The following TNFAIP1 variants were observed in gnomAD, a reference collection of about 807,000 sequenced individuals.
TNFAIP1 encodes TNF alpha induced protein 1.
A neutral mutation model predicts 32.6 loss-of-function variants in TNFAIP1; 20 were observed. The observed-to-expected ratio is 0.61, with a 90% CI of 0.43 to 0.89. The LOEUF (loss-of-function observed/expected upper bound fraction) is 0.89. Among genes scored for constraint, TNFAIP1 ranks in the 40% least tolerant of loss-of-function variants. TNFAIP1 has a pLI of 0.00. For missense variants in TNFAIP1, 319 were observed against 425.1 expected, an observed-to-expected ratio of 0.75 and a Z score of 2.20; for synonymous variants, 166 against 166.8, an observed-to-expected ratio of 1.00 and a Z score of 0.04.
At chr17:28,339,028 C>A (rs1485715817) in intron 1 of TNFAIP1, among the ~76,000 whole-genome samples, 1 of 147,444 alleles carries the variant, frequency 6.8e-6, no homozygotes, top group South Asian at 2.1e-4. Context: ...CTCAGGAATT[C>A]GAGACCAGCC....
In TNFAIP1 at chr17:28,340,514, G is replaced by A. The variant is rs1907327551; in HGVS notation, c.375+36G>A. The A allele has an allele frequency of 6.2e-7, 1 of 1,607,222 alleles. No individual in the cohort carries two copies. The highest frequency in any genetic ancestry group is 1.7e-5 in the Admixed American group (1 of 59,760). On this transcript the variant is annotated intron_variant, in intron 3 of 6. Coordinates refer to ENST00000226225, the MANE Select transcript of TNFAIP1 (RefSeq NM_021137.5). The surrounding 1 kb of genome is among the most constrained non-coding windows in gnomAD (Gnocchi z 4.1). The stretch of plus-strand genomic sequence containing the variant: ...GGGGCGGAGCAGGGCGGGCAGATGA[G>A]GTCAGGAGTTGCCCCCTTCTTGTGG...
At position 28,342,060 on chromosome 17, in the gene TNFAIP1, T is replaced by C. The variant is rs739440; in HGVS notation, c.519-187T>C. The stretch of plus-strand genomic sequence containing the variant: ...TTGACTTAAAACCAACTGAGTTCCT[T>C]TTCCTCACAGGCCCCCCAACCCAGA... On this transcript the variant is annotated intron_variant, in intron 5 of 6. Transcript: ENST00000226225. The surrounding 1 kb of genome is among the most constrained non-coding windows in gnomAD (Gnocchi z 4.0). Among the ~76,000 whole-genome samples the C allele has an allele frequency of 9.1e-3, 1,379 of 152,284 alleles. 16 individuals are homozygous for C. The highest frequency in any genetic ancestry group is 0.014 in the Non-Finnish European group (930 of 68,012).
rs1907414445 is a variant in TNFAIP1, at chr17:28,342,747, C to A, written c.714+305C>A. Among the ~76,000 whole-genome samples the A allele has an allele frequency of 6.6e-6, 1 of 152,236 alleles. No homozygotes were observed. The highest frequency in any genetic ancestry group is 1.5e-5 in the Non-Finnish European group (1 of 68,036). On this transcript the variant is annotated intron_variant, in intron 6 of 6. Coordinates refer to ENST00000226225, the MANE Select transcript of TNFAIP1 (RefSeq NM_021137.5). The surrounding 1 kb of genome is among the most constrained non-coding windows in gnomAD (Gnocchi z 4.0). ...TTTGAACGCTGGCTCACACCACTTG[C>A]CAGTTTTCTGACTTTGGATAAGCCA...
rs541350070 is a variant in TNFAIP1 at position 28,344,686 on chromosome 17, C to G, written c.*86C>G. ...CATTGGCCACCCCATGCTGCTGCTG[C>G]CTGGGTCTCTGCTCTAGCACCCAGA... On this transcript the variant is annotated 3_prime_UTR_variant, in exon 7 of 7. Coordinates refer to ENST00000226225, the MANE Select transcript of TNFAIP1 (RefSeq NM_021137.5). 7 of 1,378,474 alleles carry G rather than the reference C, an allele frequency of 5.1e-6. No individual in the cohort carries two copies. In the Admixed American group the frequency reaches 8.6e-5, roughly 17 times the overall value. 85.4% of individuals were successfully genotyped at this position (1,378,474 alleles called of 1,614,324 possible).
At position 28,346,391 on chromosome 17, in the gene TNFAIP1, C is replaced by G. The variant is rs2142389805; in HGVS notation, c.*1791C>G. Reference sequence around the variant, plus strand: ...GCCTGAGACCACTGGCCTATTTTCTCAGCTGCCCTCTTGAGGTCCTTTAAC... The same window carrying G: ...GCCTGAGACCACTGGCCTATTTTCTGAGCTGCCCTCTTGAGGTCCTTTAAC... On this transcript the variant is annotated 3_prime_UTR_variant, in exon 7 of 7. Transcript: ENST00000226225. The G allele has an allele frequency of 6.6e-6, 1 of 152,334 alleles. No individual in the cohort carries two copies. The highest frequency in any genetic ancestry group is 2.1e-4 in the South Asian group (1 of 4,820). The allele number at this position is 152,334 out of a possible 1,614,324, so 9.4% of individuals were successfully genotyped here. A position where few individuals can be genotyped will look rare whatever the true frequency, so the allele number is the denominator to read the frequency against.
chr17:28,340,517 C>A lies in TNFAIP1; in HGVS notation c.375+39C>A, dbSNP rs782354071. Reference sequence around the variant, plus strand: ...GCGGAGCAGGGCGGGCAGATGAGGTCAGGAGTTGCCCCCTTCTTGTGGGAT... The same window carrying A: ...GCGGAGCAGGGCGGGCAGATGAGGTAAGGAGTTGCCCCCTTCTTGTGGGAT... On this transcript the variant is annotated intron_variant, in intron 3 of 6. Coordinates refer to ENST00000226225, the MANE Select transcript of TNFAIP1 (RefSeq NM_021137.5). The surrounding 1 kb of genome is among the most constrained non-coding windows in gnomAD (Gnocchi z 4.1). The A allele has an allele frequency of 2.5e-6, 4 of 1,605,330 alleles. No individual in the cohort carries two copies. The South Asian group carries it at 3.3e-5, about 13-fold the overall frequency.
Position 28,337,535 on chromosome 17 carries a change from AT to A in TNFAIP1, c.-115+1688del, listed in dbSNP as rs1160472461. The stretch of plus-strand genomic sequence containing the variant: ...AGGCATGAGCCACCATATCTGGCTA[AT>A]TTTTTTTTATTTGTAGAAACAAACT... On this transcript the variant is annotated intron_variant, in intron 1 of 6. Coordinates refer to ENST00000226225, the MANE Select transcript of TNFAIP1 (RefSeq NM_021137.5). Among the ~76,000 whole-genome samples, 3 of 151,534 alleles carry A rather than the reference AT, an allele frequency of 2.0e-5. No homozygotes were observed. The East Asian group carries it at 5.8e-4, about 29-fold the overall frequency.
In TNFAIP1 at chr17:28,339,617, C is replaced by T; in HGVS notation, c.96C>T (p.Leu32=). 6.2e-7 allele frequency: 1 copy of T among 1,613,980 alleles called. No individual in the cohort carries two copies. Among genetic ancestry groups the T allele is most frequent in the Non-Finnish European group, 8.5e-7 (1 of 1,180,000 alleles). The part of the protein sequence containing the change: ...GGGLGNKYVQ[L]NVGGSLYYTT... ...GGTTGGGCAACAAGTATGTCCAGCT[C>T]AACGTGGGCGGCTCTCTGTACTACA... is the stretch of plus-strand genomic sequence containing the variant. The change falls in exon 2 of 7, where the codon CTC becomes CTT. Residue 32 remains leucine, a synonymous_variant. Transcript: ENST00000226225.
At position 28,342,236 on chromosome 17, in the gene TNFAIP1, G is replaced by GT. The variant is rs782009232; in HGVS notation, c.519-4dup. ...TCACTCCCAGCCGCTTGGCCCTCAT[G>GT]TTTTTTTCAGCAACTCTGACGACCA... On this transcript the variant is annotated splice_polypyrimidine_tract_variant and intron_variant, in intron 5 of 6. Transcript: ENST00000226225. The surrounding 1 kb of genome is among the most constrained non-coding windows in gnomAD (Gnocchi z 4.0). 1.9e-6 allele frequency: 3 copies of GT among 1,572,812 alleles called. No homozygotes were observed. Among genetic ancestry groups the GT allele is most frequent in the Non-Finnish European group, 8.7e-7 (1 of 1,148,594 alleles).
chr17:28,336,029 A>G lies in TNFAIP1; in HGVS notation c.-115+173A>G, dbSNP rs564329183. 2.0e-4 allele frequency among the ~76,000 whole-genome samples: 31 copies of G among 152,128 alleles called. 2 individuals are homozygous for G. The East Asian group carries it at 4.3e-3, about 21-fold the overall frequency. Reference sequence around the variant, plus strand: ...AACCGGTGTGGGTTTCTCGGTAGTGAGGAGTGGTCCGGGCTAGAGAAGAGC... The same window carrying G: ...AACCGGTGTGGGTTTCTCGGTAGTGGGGAGTGGTCCGGGCTAGAGAAGAGC... On this transcript the variant is annotated intron_variant, in intron 1 of 6. Coordinates refer to ENST00000226225, the MANE Select transcript of TNFAIP1 (RefSeq NM_021137.5).
intron 2 of TNFAIP1, among the ~76,000 whole-genome samples, chr17:28,339,999 C>T (rs1467384200): frequency 2.6e-5 from 4 of 152,174 alleles, no homozygotes; most frequent in Non-Finnish European, 4.4e-5. Flanking sequence ...GGCAGAAGGC[C>T]GGCAGTGGCT....
Position 28,344,441 on chromosome 17 carries a change from C to G in TNFAIP1, c.792C>G (p.Asn264Lys). 6.2e-7 allele frequency: 1 copy of G among 1,614,010 alleles called. No individual in the cohort carries two copies. The highest frequency in any genetic ancestry group is 8.5e-7 in the Non-Finnish European group (1 of 1,180,030). Reference sequence around the variant, plus strand: ...ATGAGACTCCCCGCGTCCCCGACAACTCCTTGTTGGAGGCCACAAGCCGTA... The same window carrying G: ...ATGAGACTCCCCGCGTCCCCGACAAGTCCTTGTTGGAGGCCACAAGCCGTA... ...LLYETPRVPD[N>K]SLLEATSRSR... Residue 264 changes from asparagine (N) to lysine (K), a missense_variant, in exon 7 of 7, where the codon AAC becomes AAG. By Grantham distance (94) the Asn-to-Lys change is moderately conservative (BLOSUM62 0). Coordinates refer to ENST00000226225, the MANE Select transcript of TNFAIP1 (RefSeq NM_021137.5).
In TNFAIP1 at chr17:28,341,330, C is replaced by CCA. The variant is rs1907356300; in HGVS notation, c.465+5_465+6dup. The CCA allele has an allele frequency of 6.2e-7, 1 of 1,614,228 alleles. No individual in the cohort carries two copies. Among genetic ancestry groups the CCA allele is most frequent in the East Asian group, 2.2e-5 (1 of 44,876 alleles). On this transcript the variant is annotated splice_donor_region_variant and intron_variant, in intron 4 of 6. Transcript: ENST00000226225. ...GCTCATCGAATCCTCCACCAAGGTACCAGGACCTCTGAGGGGTGCGGGCCG... is the reference window on the plus strand; with the variant it reads ...GCTCATCGAATCCTCCACCAAGGTACCACAGGACCTCTGAGGGGTGCGGGCCG...
chr17:28,344,930 C>T lies in TNFAIP1; in HGVS notation c.*330C>T. Reference sequence around the variant, plus strand: ...AGGCCCTGTGCAGAAGGCTACTGCCCCTTAGGCCTCAGCTGGGGGAAAGGC... The same window carrying T: ...AGGCCCTGTGCAGAAGGCTACTGCCTCTTAGGCCTCAGCTGGGGGAAAGGC... On this transcript the variant is annotated 3_prime_UTR_variant, in exon 7 of 7. Coordinates refer to ENST00000226225, the MANE Select transcript of TNFAIP1 (RefSeq NM_021137.5). The T allele has an allele frequency of 2.9e-6, 1 of 347,328 alleles. No homozygotes were observed. Among genetic ancestry groups the T allele is most frequent in the Non-Finnish European group, 5.4e-6 (1 of 183,962 alleles). The allele number at this position is 347,328 out of a possible 1,614,324, so 21.5% of individuals were successfully genotyped here.
Position 28,341,245 on chromosome 17 carries a change from G to A in TNFAIP1, c.384G>A (p.Lys128=), listed in dbSNP as rs782441029. ...TGTTCTGTGTCGCACAGGACAAGAA[G>A]GACTCCTACCAGCCTGTGTGCAACA... ...NMCQSALQDK[K]DSYQPVCNIP... The change falls in exon 4 of 7, where the codon AAG becomes AAA. Residue 128 remains lysine (K), a synonymous_variant. Transcript: ENST00000226225. 1 of 1,614,168 alleles carries A rather than the reference G, an allele frequency of 6.2e-7. No individual in the cohort carries two copies. The highest frequency in any genetic ancestry group is 8.5e-7 in the Non-Finnish European group (1 of 1,180,020).
chr17:28,339,621 G>T lies in TNFAIP1; in HGVS notation c.100G>T (p.Val34Leu), dbSNP rs201290313. The change falls in exon 2 of 7, where the codon GTG becomes TTG. Residue 34 changes from valine to leucine, a missense_variant. Coordinates refer to ENST00000226225, the MANE Select transcript of TNFAIP1 (RefSeq NM_021137.5). ...GLGNKYVQLN[V>L]GGSLYYTTVR... ...GGGCAACAAGTATGTCCAGCTCAAC[G>T]TGGGCGGCTCTCTGTACTACACCAC... is the stretch of plus-strand genomic sequence containing the variant. 1 of 1,613,968 alleles carries T rather than the reference G, an allele frequency of 6.2e-7. No homozygotes were observed. Among genetic ancestry groups the T allele is most frequent in the East Asian group, 2.2e-5 (1 of 44,872 alleles).
chr17:28,341,603 T>C, intron 5 of TNFAIP1, 147 bp downstream of exon 5: 1 of 882,424 alleles, frequency 1.1e-6, no homozygotes, highest in South Asian at 1.6e-5. Context: ...AGAAGGGAAA[T>C]TGGGACAGAG....
At chr17:28,339,831 G>T (rs1396653463) in intron 2 of TNFAIP1, 105 bp downstream of exon 2, 1 of 1,251,634 alleles carries the variant, frequency 8.0e-7, no homozygotes, top group Non-Finnish European at 1.1e-6. Flanking sequence ...TTTATGTAGG[G>T]TGTCTTCACC....
chr17:28,338,346 G>A (rs1340074633), intron 1 of TNFAIP1, among the ~76,000 whole-genome samples: 20 of 152,304 alleles, frequency 1.3e-4, no homozygotes, highest in African/African-American at 4.6e-4. Flanking sequence ...GGGAAGAGGA[G>A]AGTAGGGCTG....
Sources: allele counts gnomAD v4.1 joint callset (sites outside exome capture counted in the v4.1 genomes callset), GRCh38; gene constraint gnomAD v4.1.1; non-coding constraint Gnocchi (gnomAD v3.1); transcripts MANE v1.5; gene names NCBI Gene and HGNC (gene_info 2026-07-23, HGNC 2026-07-21).